The following GLIS3 variants were observed in gnomAD, a reference collection of about 807,000 sequenced individuals.
The protein encoded by GLIS3 is GLIS family zinc finger 3.
GLIS3 carries 53 observed loss-of-function variants against 78.6 expected under a neutral mutation model. The observed-to-expected ratio is 0.67, with a 90% CI of 0.54 to 0.85. The LOEUF (loss-of-function observed/expected upper bound fraction) is 0.85. Ranked by LOEUF, GLIS3 falls within the 40% of genes least tolerant of loss-of-function variation. The pLI, the probability that GLIS3 is intolerant of heterozygous loss-of-function variation, is 0.00. For missense variants in GLIS3, 1,703 were observed against 1,231.1 expected (o/e 1.38, Z -5.74); for synonymous variants, 684 against 509.9 (o/e 1.34, Z -4.60).
chr9:4,458,025 C>T, the GLIS3 span, among the ~76,000 whole-genome samples: 1 of 152,200 alleles, frequency 6.6e-6, no homozygotes, highest in Admixed American at 6.5e-5. Flanking sequence ...CCCATTAACT[C>T]CATGGAAGGA....
chr9:4,353,636 G>A, the GLIS3 span, among the ~76,000 whole-genome samples: 14 of 152,124 alleles, frequency 9.2e-5, no homozygotes, highest in South Asian at 1.7e-3. Context: ...TACCCAAAAC[G>A]GGCCGTAATC....
the GLIS3 span, among the ~76,000 whole-genome samples, chr9:4,395,318 T>C: frequency 5.9e-5 from 9 of 152,206 alleles, no homozygotes; most frequent in Admixed American, 6.5e-5. Context: ...GTCTTGTGTG[T>C]AGTGTGGGTA....
At chr9:4,314,296 A>C (rs978622101) in intron 2 of GLIS3, among the ~76,000 whole-genome samples, 4 of 152,214 alleles carry the variant, frequency 2.6e-5, no homozygotes, top group Non-Finnish European at 4.4e-5. Flanking sequence ...CTTGACTTCC[A>C]GTCCAGTGCT....
At chr9:4,373,810 G>C in the GLIS3 span, among the ~76,000 whole-genome samples, 1 of 151,866 alleles carries the variant, frequency 6.6e-6, no homozygotes. Flanking sequence ...TGGGATTACA[G>C]ATGCGCACAA....
chr9:4,151,524 A>AT (rs969432690), intron 2 of GLIS3, among the ~76,000 whole-genome samples: 37 of 152,280 alleles, frequency 2.4e-4, no homozygotes, highest in African/African-American at 8.4e-4. Flanking sequence ...TGACAGCATA[A>AT]TTTTTTTAAA....
At chr9:4,091,955 A>G (rs567747660) in intron 4 of GLIS3, among the ~76,000 whole-genome samples, 39 of 152,336 alleles carry the variant, frequency 2.6e-4, no homozygotes, top group Non-Finnish European at 5.4e-4. Context: ...ATACACTTGT[A>G]TAGAGCACTT....
chr9:4,167,804 T>C lies in GLIS3; in HGVS notation c.389-41863A>G, dbSNP rs907601501. Reference sequence around the variant, plus strand: ...AATACTTATTTTCTAACAGAGGGACTGACTGGTTTACACGGCACCTATGGC... The same window carrying C: ...AATACTTATTTTCTAACAGAGGGACCGACTGGTTTACACGGCACCTATGGC... On this transcript the variant is annotated intron_variant, in intron 2 of 10. Transcript: ENST00000381971. Among the ~76,000 whole-genome samples, 4 of 152,230 alleles carry C rather than the reference T, an allele frequency of 2.6e-5. No homozygotes were observed. The East Asian group carries it at 5.8e-4, about 22-fold the overall frequency.
At chr9:3,915,850 C>T (rs769780167) in intron 6 of GLIS3, among the ~76,000 whole-genome samples, 1 of 152,092 alleles carries the variant, frequency 6.6e-6, no homozygotes, top group Non-Finnish European at 1.5e-5. Flanking sequence ...GAAATACTCT[C>T]GCATATATAT....
the GLIS3 span, among the ~76,000 whole-genome samples, chr9:4,440,586 G>A: frequency 6.6e-6 from 1 of 152,104 alleles, no homozygotes; most frequent in East Asian, 1.9e-4. Flanking sequence ...TTTTAAATCA[G>A]GTAGTGTTAC....
At chr9:4,363,909 T>G in the GLIS3 span, among the ~76,000 whole-genome samples, 1 of 152,232 alleles carries the variant, frequency 6.6e-6, no homozygotes, top group Admixed American at 6.5e-5. Context: ...TCCAAGAGTG[T>G]TTCCAGTTAT....
intron 4 of GLIS3, among the ~76,000 whole-genome samples, chr9:3,940,005 T>C (rs190890730): frequency 1.3e-5 from 2 of 152,250 alleles, no homozygotes; most frequent in African/African-American, 4.8e-5. Context: ...AAGGAGGTGC[T>C]GTTCATTTCT....
chr9:3,970,995 G>C (rs1308869551), intron 4 of GLIS3, among the ~76,000 whole-genome samples: 1 of 151,860 alleles, frequency 6.6e-6, no homozygotes, highest in Non-Finnish European at 1.5e-5. Flanking sequence ...GAAAGGGAGG[G>C]AGGGACGGAG....
In GLIS3 at chr9:4,044,542, G is replaced by C. The variant is rs990958597; in HGVS notation, c.1710+73226C>G. On this transcript the variant is annotated intron_variant, in intron 4 of 10. Transcript: ENST00000381971. ...TATTCACAGAGAAGGAATCCAATGG[G>C]TCCATCTTATCCTATGTGGGAAAGA... Among the ~76,000 whole-genome samples, 5 of 152,078 alleles carry C rather than the reference G, an allele frequency of 3.3e-5. No homozygotes were observed. In the South Asian group the frequency reaches 6.2e-4, roughly 19 times the overall value.
At chr9:3,948,890 A>G (rs1226361845) in intron 4 of GLIS3, among the ~76,000 whole-genome samples, 1 of 152,226 alleles carries the variant, frequency 6.6e-6, no homozygotes, top group Non-Finnish European at 1.5e-5. Context: ...TAAATTCTCA[A>G]TAAATGTTAC....
intron 9 of GLIS3, among the ~76,000 whole-genome samples, chr9:3,849,609 G>A (rs899969938): frequency 2.0e-4 from 31 of 152,110 alleles, no homozygotes; most frequent in African/African-American, 6.8e-4. Context: ...CCTGTTAGAC[G>A]TCTTGTCATG....
At chr9:3,946,435 T>C (rs900044790) in intron 4 of GLIS3, among the ~76,000 whole-genome samples, 3 of 152,192 alleles carry the variant, frequency 2.0e-5, no homozygotes, top group Non-Finnish European at 2.9e-5. Context: ...TTAGGTAGGG[T>C]TGGTTACTGC....
intron 2 of GLIS3, among the ~76,000 whole-genome samples, chr9:4,197,862 G>C (rs11534202): frequency 6.6e-6 from 1 of 152,066 alleles, no homozygotes; most frequent in Non-Finnish European, 1.5e-5. Flanking sequence ...CAGGGCTGTA[G>C]AAGTAAAGCC....
intron 4 of GLIS3, among the ~76,000 whole-genome samples, chr9:4,075,261 A>G (rs1255266202): frequency 3.3e-5 from 5 of 152,104 alleles, no homozygotes; most frequent in Non-Finnish European, 7.4e-5. Context: ...GATTTATTGA[A>G]AGCTTAAAAA....
chr9:3,925,971 G>C (rs1045365083), intron 6 of GLIS3, among the ~76,000 whole-genome samples: 2 of 152,186 alleles, frequency 1.3e-5, no homozygotes, highest in African/African-American at 4.8e-5. Flanking sequence ...TGAGGGCAGA[G>C]TGTACTCAGA....
Sources: gnomAD v4.1 joint callset for allele counts (sites outside exome capture counted in the v4.1 genomes callset) on GRCh38, gnomAD v4.1.1 for gene constraint, MANE v1.5 for transcripts, NCBI Gene and HGNC (gene_info 2026-07-23, HGNC 2026-07-21) for gene names.